Variants in TTN observed in about 807,000 individuals in gnomAD.
TTN encodes connectin.
TTN carries 1,525 observed loss-of-function variants against 3,223.0 expected under a neutral mutation model. The observed-to-expected ratio is 0.47, with a 90% CI of 0.45 to 0.49. The LOEUF is 0.49. Ranked by LOEUF, TTN falls within the 20% of genes least tolerant of loss-of-function variation. TTN has a pLI of 0.00. For missense variants in TTN, 40,786 were observed against 43,424.0 expected, an observed-to-expected ratio of 0.94 and a Z score of 5.40; for synonymous variants, 14,094 against 15,161.0, an observed-to-expected ratio of 0.93 and a Z score of 5.17.
Position 178,558,288 on chromosome 2 carries a change from A to G in TTN, c.87118+53T>C, listed in dbSNP as rs547279558. The G allele has an allele frequency of 3.8e-5, 60 of 1,592,442 alleles. No individual in the cohort carries two copies. The African/African-American group carries it at 7.3e-4, about 19-fold the overall frequency. ...TGAAAAAGTGTTTCTGAAAATTAAC[A>G]TAAATCAATGCAAATAATTTCAAAT... On this transcript the variant is annotated intron_variant, in intron 327 of 362. Coordinates refer to ENST00000589042, the MANE Select transcript of TTN (RefSeq NM_001267550.2).
intron 40 of TTN, 97 bp downstream of exon 40, chr2:178,767,662 T>C: frequency 6.6e-7 from 1 of 1,522,742 alleles, no homozygotes; most frequent in Non-Finnish European, 9.0e-7. Context: ...CTTTAAAGGA[T>C]GGTGGTTAGA....
Position 178,554,443 on chromosome 2 carries a change from C to T in TTN, c.88894+10G>A. The T allele has an allele frequency of 6.2e-7, 1 of 1,610,032 alleles. No homozygotes were observed. Among genetic ancestry groups the T allele is most frequent in the Non-Finnish European group, 8.5e-7 (1 of 1,178,334 alleles). On this transcript the variant is annotated intron_variant, in intron 332 of 362. Coordinates refer to ENST00000589042, the MANE Select transcript of TTN (RefSeq NM_001267550.2). ...TCACGTTTCAGTTTTCTAATGAAAT[C>T]ATGTCTCACCAAATGCGTTCTTGGC...
chr2:178,686,469 A>G (rs1175261943), intron 127 of TTN, among the ~76,000 whole-genome samples: 1 of 151,946 alleles, frequency 6.6e-6, no homozygotes, highest in African/African-American at 2.4e-5. Context: ...CCAGGCTAAA[A>G]TGCAGTGGTG....
At chr2:178,756,197 A>ATTTTT in intron 46 of TTN, 25 bp downstream of exon 46, 1 of 1,531,586 alleles carries the variant, frequency 6.5e-7, no homozygotes, top group South Asian at 1.2e-5. Context: ...GAAATGAAGC[A>ATTTTT]AGTCATAGCT....
At position 178,698,916 on chromosome 2, in the gene TTN, TAAAAAAAAA is replaced by T. The variant is rs368277751; in HGVS notation, c.30683-11_30683-3del. ...CTTTCTTCACAGCCTTTTTGGTAAC[TAAAAAAAAA>T]AAAAAAGAAAAAAAAAGAAAAAATA... is the stretch of plus-strand genomic sequence containing the variant. On this transcript the variant is annotated splice_polypyrimidine_tract_variant and splice_region_variant and intron_variant, in intron 111 of 362. Coordinates refer to ENST00000589042, the MANE Select transcript of TTN (RefSeq NM_001267550.2). 6.1e-6 allele frequency: 8 copies of T among 1,315,352 alleles called. No individual in the cohort carries two copies. Among genetic ancestry groups the T allele is most frequent in the Non-Finnish European group, 7.8e-6 (8 of 1,021,530 alleles). The allele number at this position is 1,315,352 out of a possible 1,614,324, so 81.5% of individuals were successfully genotyped here.
chr2:178,567,971 T>G lies in TTN; in HGVS notation c.78161A>C (p.Asn26054Thr). Residue 26054 changes from asparagine to threonine, a missense_variant, in exon 326 of 363, where the codon AAT (asparagine) becomes ACT (threonine). Asn to Thr is a moderately conservative substitution (Grantham distance 65). Coordinates refer to ENST00000589042, the MANE Select transcript of TTN (RefSeq NM_001267550.2). The stretch of plus-strand genomic sequence containing the variant: ...TTCATATTCAATGCCTTCTTCAAGA[T>G]TCTGTGCTTTGAATTGGGTGTCATG... ...IIHDTQFKAQ[N>T]LEEGIEYEFR... is the part of the protein sequence containing the mutation. The G allele has an allele frequency of 6.2e-7, 1 of 1,613,582 alleles. No individual in the cohort carries two copies. Among genetic ancestry groups the G allele is most frequent in the Non-Finnish European group, 8.5e-7 (1 of 1,179,620 alleles).
In TTN at chr2:178,720,605, C is replaced by T. The variant is rs779659300; in HGVS notation, c.23157G>A (p.Val7719=). The T allele has an allele frequency of 1.9e-6, 3 of 1,612,710 alleles. No individual in the cohort carries two copies. In the African/African-American group the frequency reaches 4.0e-5, roughly 22 times the overall value. ...TTCCCGAAATTTCACATTGGAGAAT[C>T]ACATCAGAACCTTTAAGAGCTCCTA... ...SPVGALKGSD[V]ILQCEISGTP... is the part of the protein sequence containing the mutation. Residue 7719 remains valine (V), a synonymous_variant, in exon 80 of 363, where the codon GTG becomes GTA. Coordinates refer to ENST00000589042, the MANE Select transcript of TTN (RefSeq NM_001267550.2).
rs772268958 is a variant in TTN at position 178,569,563 on chromosome 2, C to CCTT, written c.76566_76568dup (p.Arg25523dup). 1.4e-4 allele frequency: 221 copies of CCTT among 1,612,854 alleles called. No individual in the cohort carries two copies. The highest frequency in any genetic ancestry group is 1.8e-4 in the Non-Finnish European group (211 of 1,179,514). On this transcript the variant is annotated inframe_insertion, in exon 326 of 363. Coordinates refer to ENST00000589042, the MANE Select transcript of TTN (RefSeq NM_001267550.2). ...CAAATAACCTTAAGGAGCCACCTGC[C>CCTT]CTTATATTTATGATTTTCCTTAGTT...
At position 178,738,250 on chromosome 2, in the gene TTN, T is replaced by C; in HGVS notation, c.14203A>G (p.Lys4735Glu). 6.2e-7 allele frequency: 1 copy of C among 1,613,648 alleles called. No homozygotes were observed. The highest frequency in any genetic ancestry group is 8.5e-7 in the Non-Finnish European group (1 of 1,179,742). ...CTCTCATAAATTTCTCGGCCAGCTT[T>C]AAACCACTGGAACCGGACATTGGGA... is the stretch of plus-strand genomic sequence containing the variant. Reference protein sequence around the residue: ...SAPNVRFQWFKAGREIYESDK... With the variant: ...SAPNVRFQWFEAGREIYESDK... The change falls in exon 49 of 363, where the codon AAA (lysine) becomes GAA (glutamate). Residue 4735 changes from lysine (K) to glutamate (E), a missense_variant. Physicochemically the swap from Lys to Glu is moderately conservative, Grantham distance 56. Coordinates refer to ENST00000589042, the MANE Select transcript of TTN (RefSeq NM_001267550.2).
In TTN at chr2:178,617,992, C is replaced by T. The variant is rs2057660635; in HGVS notation, c.47359G>A (p.Gly15787Ser). ...ATGACGTAGTTTGTGATCTCAGCAC[C>T]TCCATCATACTCTGGTGGTTCCCAT... is the stretch of plus-strand genomic sequence containing the variant. ...LTWEPPEYDG[G>S]AEITNYVIEL... Residue 15787 changes from glycine to serine, a missense_variant, in exon 253 of 363, where the codon GGT becomes AGT. Gly to Ser is a moderately conservative substitution (Grantham distance 56, BLOSUM62 0). Transcript: ENST00000589042. 10 of 1,612,476 alleles carry T rather than the reference C, an allele frequency of 6.2e-6. No homozygotes were observed. The highest frequency in any genetic ancestry group is 7.6e-6 in the Non-Finnish European group (9 of 1,179,120).
At chr2:178,744,905 A>G (rs1035824855) in intron 47 of TTN, 3 of 985,156 alleles carry the variant, frequency 3.0e-6, no homozygotes, top group Non-Finnish European at 3.6e-6. Flanking sequence ...AACCCTGCCC[A>G]CAAAGAGCAC....
chr2:178,582,741 T>G, intron 313 of TTN, 149 bp from the exon 314 acceptor site: 2 of 955,410 alleles, frequency 2.1e-6, no homozygotes, highest in Non-Finnish European at 2.9e-6. Context: ...GTTTCTTCAC[T>G]TGTAAAATTA....
chr2:178,587,429 C>G lies in TTN; in HGVS notation c.63794-12G>C, dbSNP rs2049265347. On this transcript the variant is annotated splice_polypyrimidine_tract_variant and intron_variant, in intron 306 of 362. Transcript: ENST00000589042. The stretch of plus-strand genomic sequence containing the variant: ...AGGCCCAGGAGTGTCTGTAAAGAAT[C>G]ATAAAATCAGATATACATGTCTCCT... 6.2e-7 allele frequency: 1 copy of G among 1,603,004 alleles called. No individual in the cohort carries two copies. The highest frequency in any genetic ancestry group is 1.7e-5 in the Admixed American group (1 of 58,002).
chr2:178,626,914 G>T (rs2059135170), intron 240 of TTN, among the ~76,000 whole-genome samples: 1 of 151,694 alleles, frequency 6.6e-6, no homozygotes, highest in Admixed American at 6.6e-5. Context: ...TCAGAATGCA[G>T]TATGTCTCAA....
chr2:178,586,195 G>C (rs920514998), intron 308 of TTN, among the ~76,000 whole-genome samples: 3 of 152,052 alleles, frequency 2.0e-5, no homozygotes, highest in Non-Finnish European at 4.4e-5. Context: ...GTGACCAGTG[G>C]TGATGAGCTT....
At position 178,534,021 on chromosome 2, in the gene TTN, G is replaced by A. The variant is rs778876835; in HGVS notation, c.102594C>T (p.Asp34198=). 4 of 1,613,950 alleles carry A rather than the reference G, an allele frequency of 2.5e-6. No homozygotes were observed. Among genetic ancestry groups the A allele is most frequent in the Non-Finnish European group, 8.5e-7 (1 of 1,179,862 alleles). Residue 34198 remains aspartate (D), a synonymous_variant, in exon 358 of 363, where the codon GAC becomes GAT. Transcript: ENST00000589042. Reference sequence around the variant, plus strand: ...AGGTACCATCATCTAATTTGGTAATGTCTTTGACATAGAGGATGGCCACTC... The same window carrying A: ...AGGTACCATCATCTAATTTGGTAATATCTTTGACATAGAGGATGGCCACTC... ...EDGVAILYVK[D]ITKLDDGTYR...
Position 178,640,545 on chromosome 2 carries a change from T to G in TTN, c.40719A>C (p.Thr13573=), listed in dbSNP as rs765647260. Reference sequence around the variant, plus strand: ...AGAATGACAGTAGATTTGTACCTTTTGTTGGTTCAGGAATCTTCCTTTCCC... The same window carrying G: ...AGAATGACAGTAGATTTGTACCTTTGGTTGGTTCAGGAATCTTCCTTTCCC... ...TKRERKIPEP[T]KVPEIKPAIP... is the part of the protein sequence containing the mutation. The change falls in exon 221 of 363, where the codon ACA becomes ACC. Residue 13573 remains threonine, a synonymous_variant. Transcript: ENST00000589042. The G allele has an allele frequency of 1.2e-5, 20 of 1,603,886 alleles. No individual in the cohort carries two copies. Among genetic ancestry groups the G allele is most frequent in the Non-Finnish European group, 1.6e-5 (19 of 1,175,888 alleles).
At chr2:178,749,911 T>G in intron 47 of TTN, 2 of 1,613,240 alleles carry the variant, frequency 1.2e-6, no homozygotes, top group Non-Finnish European at 1.7e-6. Flanking sequence ...GCTTTGGCAT[T>G]TCTTGTAACA....
At position 178,684,349 on chromosome 2, in the gene TTN, C is replaced by T. The variant is rs397517542; in HGVS notation, c.32703G>A (p.Glu10901=). Reference sequence around the variant, plus strand: ...ATGTACCTCTTGCTTTTGGAGGCGCCTCTTTTTTAGTTACAGCAACAAGAA... The same window carrying T: ...ATGTACCTCTTGCTTTTGGAGGCGCTTCTTTTTTAGTTACAGCAACAAGAA... ...EKVLVAVTKK[E]APPKARVPEE... is the part of the protein sequence containing the mutation. The change falls in exon 132 of 363, where the codon GAG becomes GAA. Residue 10901 remains glutamate (E), a synonymous_variant. Coordinates refer to ENST00000589042, the MANE Select transcript of TTN (RefSeq NM_001267550.2). 398 of 1,613,494 alleles carry T rather than the reference C, an allele frequency of 2.5e-4. 4 individuals are homozygous for T. In the South Asian group the frequency reaches 4.2e-3, roughly 17 times the overall value.
Sources: allele counts gnomAD v4.1 joint callset (sites outside exome capture counted in the v4.1 genomes callset), GRCh38; gene constraint gnomAD v4.1.1; transcripts MANE v1.5; gene names NCBI Gene and HGNC (gene_info 2026-07-23, HGNC 2026-07-21).